The following NDST3 variants were observed in gnomAD, a reference collection of about 807,000 sequenced individuals.
NDST3 encodes the protein N-deacetylase and N-sulfotransferase 3, also known as bifunctional heparan sulfate N-deacetylase/N-sulfotransferase 3.
A neutral mutation model predicts 96.1 loss-of-function variants in NDST3; 58 were observed. That is an observed-to-expected ratio of 0.60 (90% confidence interval 0.49 to 0.75). The LOEUF (loss-of-function observed/expected upper bound fraction) is 0.75. Ranked by LOEUF, NDST3 falls within the 30% of genes least tolerant of loss-of-function variation. NDST3 has a pLI of 0.00. For missense variants in NDST3, 788 were observed against 1,034.2 expected (o/e 0.76, Z 3.27); for synonymous variants, 333 against 359.7 (o/e 0.93, Z 0.84).
intron 8 of NDST3, among the ~76,000 whole-genome samples, chr4:118,228,502 T>C (rs184543360): frequency 6.6e-6 from 1 of 152,372 alleles, no homozygotes; most frequent in Admixed American, 6.5e-5. Flanking sequence ...AAATGTTTGT[T>C]ACAATTTGGA....
chr4:118,252,534 AT>A (rs1228240136), intron 12 of NDST3, among the ~76,000 whole-genome samples: 1 of 152,212 alleles, frequency 6.6e-6, no homozygotes, highest in South Asian at 2.1e-4. Flanking sequence ...TATATGAAAT[AT>A]TTTGGTAAGA....
chr4:118,119,289 A>C (rs1210538760), intron 4 of NDST3, among the ~76,000 whole-genome samples: 1 of 152,228 alleles, frequency 6.6e-6, no homozygotes, highest in Non-Finnish European at 1.5e-5. Context: ...ATAGTATCAA[A>C]ATGTAATTTA....
At chr4:118,074,324 T>C in intron 2 of NDST3, among the ~76,000 whole-genome samples, 1 of 152,028 alleles carries the variant, frequency 6.6e-6, no homozygotes, top group Middle Eastern at 3.2e-3. Context: ...GTACCGAATA[T>C]CTTTGTTAGT....
chr4:118,145,952 T>A (rs1009442280), intron 6 of NDST3, among the ~76,000 whole-genome samples: 6 of 152,192 alleles, frequency 3.9e-5, no homozygotes, highest in Non-Finnish European at 8.8e-5. Flanking sequence ...CACATCTGGA[T>A]TCAGCCCACA....
At chr4:118,052,755 CTG>C (rs1290708917) in intron 1 of NDST3, among the ~76,000 whole-genome samples, 1 of 151,930 alleles carries the variant, frequency 6.6e-6, no homozygotes, top group East Asian at 1.9e-4. Flanking sequence ...TATCAGTGTG[CTG>C]TGATACCAGA....
intron 6 of NDST3, among the ~76,000 whole-genome samples, chr4:118,200,292 C>T (rs890718090): frequency 2.6e-5 from 4 of 152,182 alleles, no homozygotes; most frequent in Admixed American, 6.5e-5. Flanking sequence ...GCTTCCCTCC[C>T]CTTTCCAAAT....
chr4:118,203,684 T>A (rs561930388), intron 6 of NDST3, among the ~76,000 whole-genome samples: 4 of 152,320 alleles, frequency 2.6e-5, no homozygotes, highest in African/African-American at 7.2e-5. Flanking sequence ...AAATTACCTT[T>A]AGTAAGATTT....
chr4:118,118,883 T>C (rs554328436), intron 4 of NDST3, among the ~76,000 whole-genome samples: 5 of 152,304 alleles, frequency 3.3e-5, no homozygotes, highest in African/African-American at 1.2e-4. Flanking sequence ...TAGTATTCTA[T>C]TTAAACCTCA....
At chr4:118,175,429 ATAAT>A (rs34564513) in intron 6 of NDST3, among the ~76,000 whole-genome samples, 25,638 of 152,014 alleles carry the variant, frequency 0.17, 2,283 homozygotes, top group South Asian at 0.23. Flanking sequence ...TATATTAATA[ATAAT>A]TAGTCATCCA....
At chr4:118,166,570 T>C (rs186138737) in intron 6 of NDST3, among the ~76,000 whole-genome samples, 13 of 152,076 alleles carry the variant, frequency 8.5e-5, no homozygotes, top group Admixed American at 4.6e-4. Context: ...AATAGCCTGA[T>C]ACCAAAGCCA....
intron 6 of NDST3, among the ~76,000 whole-genome samples, chr4:118,212,683 T>A (rs574936045): frequency 6.6e-6 from 1 of 152,188 alleles, no homozygotes; most frequent in East Asian, 1.9e-4. Flanking sequence ...GATTTGGACA[T>A]TTTTTAAAAA....
At chr4:118,160,941 G>T (rs1185451492) in intron 6 of NDST3, among the ~76,000 whole-genome samples, 3 of 152,054 alleles carry the variant, frequency 2.0e-5, no homozygotes, top group Non-Finnish European at 4.4e-5. Flanking sequence ...AGGAGGAGAG[G>T]TGCTCTGCTT....
At position 118,178,087 on chromosome 4, in the gene NDST3, T is replaced by A. The variant is rs113154869; in HGVS notation, c.1539+34403T>A. On this transcript the variant is annotated intron_variant, in intron 6 of 13. Transcript: ENST00000296499. ...AGGACCCACAGGAAAAAAAAAAGCA[T>A]AAGTCCTTTTAAAAATTGTATTATA... Among the ~76,000 whole-genome samples, 146 of 152,026 alleles carry A rather than the reference T, an allele frequency of 9.6e-4. 2 individuals carry two copies. The highest frequency in any genetic ancestry group is 3.2e-3 in the African/African-American group (133 of 41,514).
chr4:118,089,344 T>A, intron 2 of NDST3, among the ~76,000 whole-genome samples: 1 of 151,812 alleles, frequency 6.6e-6, no homozygotes, highest in East Asian at 1.9e-4. Context: ...GTTATCTTTG[T>A]AAAGAAAAAA....
Position 118,054,942 on chromosome 4 carries a change from G to A in NDST3, c.981+51G>A, listed in dbSNP as rs752616058. On this transcript the variant is annotated intron_variant, in intron 2 of 13. Coordinates refer to ENST00000296499, the MANE Select transcript of NDST3 (RefSeq NM_004784.3). ...AAAGTTCAGTTCATCTTCCAGCAGG[G>A]ATACAACTATCCCAGTTTGTACTAC... 1.2e-5 allele frequency: 19 copies of A among 1,596,264 alleles called. No individual in the cohort carries two copies. In the African/African-American group the frequency reaches 2.5e-4, roughly 21 times the overall value.
intron 2 of NDST3, among the ~76,000 whole-genome samples, chr4:118,100,220 G>C (rs965139193): frequency 6.6e-6 from 1 of 151,948 alleles, no homozygotes; most frequent in Non-Finnish European, 1.5e-5. Context: ...GGTGGAGGAA[G>C]GGCAAATTCA....
chr4:118,035,543 G>A (rs1724104238), intron 1 of NDST3, among the ~76,000 whole-genome samples: 1 of 150,978 alleles, frequency 6.6e-6, no homozygotes, highest in African/African-American at 2.4e-5. Flanking sequence ...TAGAATATCC[G>A]ATATTCAGCT....
chr4:118,185,441 A>T (rs1379111703), intron 6 of NDST3, among the ~76,000 whole-genome samples: 1 of 150,296 alleles, frequency 6.7e-6, no homozygotes, highest in Non-Finnish European at 1.5e-5. Context: ...GGTATCTAAT[A>T]ATATGTATAT....
At chr4:118,048,889 C>T (rs1207006951) in intron 1 of NDST3, among the ~76,000 whole-genome samples, 2 of 152,128 alleles carry the variant, frequency 1.3e-5, no homozygotes, top group African/African-American at 4.8e-5. Flanking sequence ...TAGATATCTA[C>T]AGAACTAGTC....
Sources: gnomAD v4.1 joint callset for allele counts (sites outside exome capture counted in the v4.1 genomes callset) on GRCh38, gnomAD v4.1.1 for gene constraint, MANE v1.5 for transcripts, NCBI Gene and HGNC (gene_info 2026-07-23, HGNC 2026-07-21) for gene names.